LAMB1: variants seen among roughly 807,000 people sequenced by gnomAD.
LAMB1 encodes laminin subunit beta 1, also known as laminin subunit beta-1.
LAMB1 carries 121 observed loss-of-function variants against 222.3 expected under a neutral mutation model. The observed-to-expected ratio is 0.54, with a 90% CI of 0.47 to 0.63. The LOEUF is 0.63. Ranked by LOEUF, LAMB1 falls within the 30% of genes least tolerant of loss-of-function variation. The probability of loss-of-function intolerance (pLI) is 0.00; values close to 1 mark genes in which losing one functional copy is unlikely to be tolerated. For missense variants in LAMB1, 2,172 were observed against 2,240.8 expected (o/e 0.97, Z 0.62); for synonymous variants, 794 against 807.2 (o/e 0.98, Z 0.28).
chr7:107,959,564 T>C (rs768905332), intron 19 of LAMB1, 84 bp from the exon 20 acceptor site: 17 of 1,607,074 alleles, frequency 1.1e-5, no homozygotes, highest in South Asian at 5.5e-5. Flanking sequence ...CTGTCCCCAA[T>C]TCAGAATGCT....
chr7:107,925,930 C>T (rs1289967677), intron 32 of LAMB1, among the ~76,000 whole-genome samples: 1 of 147,960 alleles, frequency 6.8e-6, no homozygotes, highest in Non-Finnish European at 1.5e-5. Context: ...TTTGAGACTT[C>T]TACCCCTAAG....
chr7:108,002,308 GCCCATGGACAGT>G, intron 2 of LAMB1: 3 of 1,313,090 alleles, frequency 2.3e-6, no homozygotes, highest in Non-Finnish European at 3.0e-6. Context: ...AGCTAGGGGA[GCCCATGGACAGT>G]CCCTGGGGCT....
intron 13 of LAMB1, among the ~76,000 whole-genome samples, chr7:107,970,406 T>G (rs991395793): frequency 4.1e-5 from 6 of 146,048 alleles, no homozygotes; most frequent in African/African-American, 1.5e-4. Flanking sequence ...GAGAATCGCT[T>G]GAACCCAGGA....
intron 5 of LAMB1, 85 bp downstream of exon 5, chr7:107,994,802 C>A: frequency 2.8e-6 from 2 of 722,042 alleles, no homozygotes; most frequent in Admixed American, 2.4e-5. Flanking sequence ...CCATTTAGGT[C>A]AACTCACATC....
intron 19 of LAMB1, 50 bp downstream of exon 19, chr7:107,959,641 T>C (rs1239936459): frequency 6.2e-7 from 1 of 1,614,116 alleles, no homozygotes. Context: ...CCTGCCACAA[T>C]GGCTGAGTTA....
rs1584491749 is a variant in LAMB1, at chr7:107,941,261, A to G, written c.3392-903T>C. The stretch of plus-strand genomic sequence containing the variant: ...CTTGAACCCTGGCTTAGATTCCCAA[A>G]TTTCAGGTGACCAAATCATTTTTAT... On this transcript the variant is annotated intron_variant, in intron 24 of 33. Coordinates refer to ENST00000222399, the MANE Select transcript of LAMB1 (RefSeq NM_002291.3). Among the ~76,000 whole-genome samples the G allele has an allele frequency of 2.0e-5, 3 of 152,336 alleles. No individual in the cohort carries two copies. The Middle Eastern group carries it at 0.01, about 518-fold the overall frequency.
chr7:107,930,172 A>G (rs2032670657), intron 29 of LAMB1, among the ~76,000 whole-genome samples: 1 of 152,210 alleles, frequency 6.6e-6, no homozygotes, highest in African/African-American at 2.4e-5. Flanking sequence ...AAATTATAGA[A>G]GCAGGAGAAC....
intron 27 of LAMB1, 99 bp downstream of exon 27, chr7:107,935,316 A>C (rs1269453225): frequency 1.3e-6 from 2 of 1,502,832 alleles, no homozygotes; most frequent in African/African-American, 2.9e-5. Flanking sequence ...AAATTATTGT[A>C]ATAATGACAA....
rs138741168 is a variant in LAMB1, at chr7:107,953,615, G to A, written c.2994C>T (p.Leu998=). 4 of 1,614,172 alleles carry A rather than the reference G, an allele frequency of 2.5e-6. No individual in the cohort carries two copies. Among genetic ancestry groups the A allele is most frequent in the Non-Finnish European group, 3.4e-6 (4 of 1,180,030 alleles). Reference sequence around the variant, plus strand: ...CCCCTTCCGTGTGGTACAGGCACTTGAGACACCTCCCAGTCTCCTTGTCAC... The same window carrying A: ...CCCCTTCCGTGTGGTACAGGCACTTAAGACACCTCCCAGTCTCCTTGTCAC... ...EACDKETGRC[L]KCLYHTEGEH... The change falls in exon 22 of 34, where the codon CTC becomes CTT. Residue 998 remains leucine (L), a synonymous_variant. Transcript: ENST00000222399.
chr7:107,974,860 T>C, intron 12 of LAMB1, 126 bp downstream of exon 12: 2 of 629,054 alleles, frequency 3.2e-6, no homozygotes, highest in Non-Finnish European at 5.7e-6. Flanking sequence ...GTGTGCATTG[T>C]CTACTCATGT....
At chr7:107,985,989 A>G (rs761073647) in intron 7 of LAMB1, 33 bp downstream of exon 7, 1 of 1,522,064 alleles carries the variant, frequency 6.6e-7, no homozygotes, top group Non-Finnish European at 9.1e-7. Context: ...AAACAAACTA[A>G]CAAAAAACAC....
At chr7:108,001,850 A>C (rs2034394128) in intron 2 of LAMB1, 117 bp from the exon 3 acceptor site, 2 of 1,512,404 alleles carry the variant, frequency 1.3e-6, no homozygotes, top group Non-Finnish European at 1.8e-6. Flanking sequence ...CATTCGGAAG[A>C]AAGCAAAATG....
chr7:107,978,044 T>G lies in LAMB1; in HGVS notation c.1000+3A>C. On this transcript the variant is annotated splice_donor_region_variant and intron_variant, in intron 9 of 33. Coordinates refer to ENST00000222399, the MANE Select transcript of LAMB1 (RefSeq NM_002291.3). ...TTAAAATGTCCCTTCAACACAGACTTACTTTTACAGGCGTTGCTGTTTCGG... is the reference window on the plus strand; with the variant it reads ...TTAAAATGTCCCTTCAACACAGACTGACTTTTACAGGCGTTGCTGTTTCGG... The G allele has an allele frequency of 6.2e-7, 1 of 1,614,164 alleles. No individual in the cohort carries two copies. Among genetic ancestry groups the G allele is most frequent in the Non-Finnish European group, 8.5e-7 (1 of 1,180,006 alleles).
At chr7:107,947,523 A>G (rs905770671) in intron 24 of LAMB1, among the ~76,000 whole-genome samples, 19 of 152,292 alleles carry the variant, frequency 1.2e-4, no homozygotes, top group Middle Eastern at 3.4e-3. Context: ...TCGTGAATGC[A>G]TTCCAGCACA....
chr7:107,948,267 G>A (rs537823839), intron 24 of LAMB1, among the ~76,000 whole-genome samples: 6 of 152,256 alleles, frequency 3.9e-5, no homozygotes, highest in African/African-American at 1.2e-4. Context: ...GATTACAGGC[G>A]TGAACCACCG....
At chr7:107,926,065 T>C in intron 32 of LAMB1, 118 bp downstream of exon 32, 1 of 738,130 alleles carries the variant, frequency 1.4e-6, no homozygotes, top group East Asian at 2.5e-5. Flanking sequence ...ACAGGTCATT[T>C]GATATTTCTG....
At position 107,960,640 on chromosome 7, in the gene LAMB1, T is replaced by A; in HGVS notation, c.2119A>T (p.Met707Leu). The change falls in exon 18 of 34, where the codon ATG becomes TTG. Residue 707 changes from methionine (M) to leucine (L), a missense_variant. By Grantham distance (15) the Met-to-Leu change is conservative. Coordinates refer to ENST00000222399, the MANE Select transcript of LAMB1 (RefSeq NM_002291.3). Reference protein sequence around the residue: ...PYTLIDSLVLMPYCKSLDIFT... With the variant: ...PYTLIDSLVLLPYCKSLDIFT... Reference sequence around the variant, plus strand: ...ATGTCCAGTGATTTACAGTATGGCATGAGAACAAGCTGTGAAGAAATGAGA... The same window carrying A: ...ATGTCCAGTGATTTACAGTATGGCAAGAGAACAAGCTGTGAAGAAATGAGA... 1 of 1,614,180 alleles carries A rather than the reference T, an allele frequency of 6.2e-7. No homozygotes were observed. The highest frequency in any genetic ancestry group is 8.5e-7 in the Non-Finnish European group (1 of 1,179,978).
At chr7:107,943,447 T>C (rs1046197488) in intron 24 of LAMB1, among the ~76,000 whole-genome samples, 15 of 152,226 alleles carry the variant, frequency 9.9e-5, no homozygotes, top group Non-Finnish European at 4.4e-5. Flanking sequence ...AATAACTTAG[T>C]ACCTTAAGAG....
rs2033478766 is a variant in LAMB1, at chr7:107,960,636, G to A, written c.2123C>T (p.Pro708Leu). 1.9e-6 allele frequency: 3 copies of A among 1,614,052 alleles called. No homozygotes were observed. Among genetic ancestry groups the A allele is most frequent in the Non-Finnish European group, 2.5e-6 (3 of 1,179,984 alleles). Residue 708 changes from proline (P) to leucine (L), a missense_variant, in exon 18 of 34, where the codon CCA (proline) becomes CTA (leucine). Transcript: ENST00000222399. ...YTLIDSLVLM[P>L]YCKSLDIFTV... is the part of the protein sequence containing the mutation. ...GAAGATGTCCAGTGATTTACAGTAT[G>A]GCATGAGAACAAGCTGTGAAGAAAT...
Sources: allele counts gnomAD v4.1 joint callset (sites outside exome capture counted in the v4.1 genomes callset), GRCh38; gene constraint gnomAD v4.1.1; transcripts MANE v1.5; gene names NCBI Gene and HGNC (gene_info 2026-07-23, HGNC 2026-07-21).